The following ANKRD34C variants were observed in gnomAD, a reference collection of about 807,000 sequenced individuals.
ANKRD34C encodes the protein ankyrin repeat domain-containing protein 34C.
For synonymous variants in ANKRD34C, 260 were observed against 253.6 expected (o/e 1.03, Z -0.24); for missense variants, 563 against 653.0 (o/e 0.86, Z 1.50).
intron 1 of ANKRD34C, among the ~76,000 whole-genome samples, chr15:79,291,004 A>G (rs1186734877): frequency 6.6e-6 from 1 of 152,078 alleles, no homozygotes; most frequent in Non-Finnish European, 1.5e-5. Flanking sequence ...GTATCTTTTT[A>G]TGTGCTTATT....
At position 79,293,957 on chromosome 15, in the gene ANKRD34C, G is replaced by A; in HGVS notation, c.673G>A (p.Ala225Thr). The A allele has an allele frequency of 6.4e-7, 1 of 1,551,658 alleles. No individual in the cohort carries two copies. The highest frequency in any genetic ancestry group is 8.7e-7 in the Non-Finnish European group (1 of 1,146,988). The change falls in exon 2 of 2, where the codon GCT (alanine) becomes ACT (threonine). Residue 225 changes from alanine (A) to threonine (T), a missense_variant. Ala to Thr is a moderately conservative substitution (Grantham distance 58, BLOSUM62 0). Transcript: ENST00000421388. ...TCCAAGCAGTTGTAACACCTCCAAG[G>A]CTGTTAATGAGCCTGGGTCACCCAC... is the stretch of plus-strand genomic sequence containing the variant. Reference protein sequence around the residue: ...GHPSSCNTSKAVNEPGSPTRK... With the variant: ...GHPSSCNTSKTVNEPGSPTRK...
At chr15:79,284,832 G>T (rs1203976741) in intron 1 of ANKRD34C, among the ~76,000 whole-genome samples, 3 of 152,170 alleles carry the variant, frequency 2.0e-5, no homozygotes, top group Admixed American at 6.5e-5. Flanking sequence ...GCTGGGATTA[G>T]AATCCAGATC....
Position 79,298,125 on chromosome 15 carries a change from A to G in ANKRD34C, c.*3233A>G, listed in dbSNP as rs1442274313. ...TGTGCTGCTTGAACTGATTCTCTAC[A>G]GTGTTCCTTCCTAGTCTCAAGCTGA... On this transcript the variant is annotated 3_prime_UTR_variant, in exon 2 of 2. Transcript: ENST00000421388. 1.2e-5 allele frequency: 2 copies of G among 167,014 alleles called. No individual in the cohort carries two copies. Among genetic ancestry groups the G allele is most frequent in the Non-Finnish European group, 2.9e-5 (2 of 68,106 alleles). 10.3% of individuals were successfully genotyped at this position (167,014 alleles called of 1,614,324 possible).
chr15:79,293,664 T>A lies in ANKRD34C; in HGVS notation c.380T>A (p.Ile127Lys). The change falls in exon 2 of 2, where the codon ATA becomes AAA. Residue 127 changes from isoleucine (I) to lysine (K), a missense_variant. Coordinates refer to ENST00000421388, the MANE Select transcript of ANKRD34C (RefSeq NM_001146341.2). Reference sequence around the variant, plus strand: ...GGGGCTTCAGCTCTGGTTTATGCAATAAATGCAGATGACAAGGATGCATTG... The same window carrying A: ...GGGGCTTCAGCTCTGGTTTATGCAAAAAATGCAGATGACAAGGATGCATTG... Reference protein sequence around the residue: ...RTGASALVYAINADDKDALKH... With the variant: ...RTGASALVYAKNADDKDALKH... The A allele has an allele frequency of 6.4e-7, 1 of 1,551,624 alleles. No individual in the cohort carries two copies. The highest frequency in any genetic ancestry group is 2.4e-5 in the East Asian group (1 of 40,916).
At chr15:79,284,065 C>G (rs1298225939) in intron 1 of ANKRD34C, 1 of 152,236 alleles carries the variant, frequency 6.6e-6, no homozygotes, top group African/African-American at 2.4e-5. Flanking sequence ...ACCCAAACTT[C>G]TTTAAAAATC....
chr15:79,287,856 C>A (rs989882672), intron 1 of ANKRD34C, among the ~76,000 whole-genome samples: 1 of 152,198 alleles, frequency 6.6e-6, no homozygotes, highest in Non-Finnish European at 1.5e-5. Flanking sequence ...AATCCATGAA[C>A]GCAGCTCTTA....
intron 1 of ANKRD34C, among the ~76,000 whole-genome samples, chr15:79,286,857 A>G (rs2141200369): frequency 6.6e-6 from 1 of 151,856 alleles, no homozygotes; most frequent in Middle Eastern, 3.4e-3. Context: ...ATCTCTGTAG[A>G]CCTCCCCTTA....
rs142430388 is a variant in ANKRD34C, at chr15:79,285,867, G to A, written c.-45+2639G>A. On this transcript the variant is annotated intron_variant, in intron 1 of 1. Coordinates refer to ENST00000421388, the MANE Select transcript of ANKRD34C (RefSeq NM_001146341.2). ...AGGCCAAGGATCTGAGAAGGCATGG[G>A]AGTGAAAGACCCTGGATTCAGAGAG... Among the ~76,000 whole-genome samples the A allele has an allele frequency of 9.4e-3, 1,428 of 152,294 alleles. 31 individuals are homozygous for A. Among genetic ancestry groups the A allele is most frequent in the African/African-American group, 0.032 (1,322 of 41,554 alleles).
rs1416532441 is a variant in ANKRD34C, at chr15:79,294,152, T to C, written c.868T>C (p.Phe290Leu). 1 of 1,551,480 alleles carries C rather than the reference T, an allele frequency of 6.4e-7. No individual in the cohort carries two copies. Among genetic ancestry groups the C allele is most frequent in the Admixed American group, 2.0e-5 (1 of 51,010 alleles). ...CATCAAGAGCATCAGTGATATATCC[T>C]TCCCTAAAAGGGGGCCCCTCTCCAG... The part of the protein sequence containing the change: ...EVIKSISDIS[F>L]PKRGPLSRTN... Residue 290 changes from phenylalanine to leucine, a missense_variant, in exon 2 of 2, where the codon TTC becomes CTC. Physicochemically the swap from Phe to Leu is conservative, Grantham distance 22. Transcript: ENST00000421388.
rs1235078474 is a variant in ANKRD34C, at chr15:79,297,207, A to G, written c.*2315A>G. ...AAGAAACAACTTTCCAATGCATTCA[A>G]GAGAGAATCATACGGACAACCATCA... On this transcript the variant is annotated 3_prime_UTR_variant, in exon 2 of 2. Transcript: ENST00000421388. 6.0e-6 allele frequency: 1 copy of G among 167,022 alleles called. No individual in the cohort carries two copies. 10.3% of individuals were successfully genotyped at this position (167,022 alleles called of 1,614,324 possible).
chr15:79,291,593 CACACACACAGAGAGAGAG>C (rs1339621356), intron 1 of ANKRD34C, among the ~76,000 whole-genome samples: 60 of 119,124 alleles, frequency 5.0e-4, no homozygotes, highest in Admixed American at 1.1e-3. Flanking sequence ...CACACACACA[CACACACACAGAGAGAGAG>C]AGAGAGAGAG....
Position 79,296,820 on chromosome 15 carries a change from G to A in ANKRD34C, c.*1928G>A, listed in dbSNP as rs2058673441. On this transcript the variant is annotated 3_prime_UTR_variant, in exon 2 of 2. Transcript: ENST00000421388. ...CTAGACGTGGCCAGATGTCTCCTGG[G>A]TGCATCACCTTCGTTGATCTCTACT... is the stretch of plus-strand genomic sequence containing the variant. 1 of 167,060 alleles carries A rather than the reference G, an allele frequency of 6.0e-6. No homozygotes were observed. The highest frequency in any genetic ancestry group is 1.5e-5 in the Non-Finnish European group (1 of 68,134). 10.3% of individuals were successfully genotyped at this position (167,060 alleles called of 1,614,324 possible). A position where few individuals can be genotyped will look rare whatever the true frequency, so the allele number is the denominator to read the frequency against.
chr15:79,295,047 T>C lies in ANKRD34C; in HGVS notation c.*155T>C. ...CTTCTGAGAATAATCCCTGGGTTTTTATAGGCCTACTTGAAAAGAGCTCAG... is the reference window on the plus strand; with the variant it reads ...CTTCTGAGAATAATCCCTGGGTTTTCATAGGCCTACTTGAAAAGAGCTCAG... On this transcript the variant is annotated 3_prime_UTR_variant, in exon 2 of 2. Coordinates refer to ENST00000421388, the MANE Select transcript of ANKRD34C (RefSeq NM_001146341.2). The C allele has an allele frequency of 1.2e-6, 1 of 851,382 alleles. No individual in the cohort carries two copies. Among genetic ancestry groups the C allele is most frequent in the South Asian group, 2.2e-5 (1 of 46,028 alleles). 52.7% of individuals were successfully genotyped at this position (851,382 alleles called of 1,614,324 possible).
chr15:79,283,266 G>A (rs1596037422), intron 1 of ANKRD34C, among the ~76,000 whole-genome samples, 38 bp downstream of exon 1: 1 of 152,252 alleles, frequency 6.6e-6, no homozygotes, highest in Admixed American at 6.5e-5. Flanking sequence ...GGTCACCCGG[G>A]TGGGGACCTC....
chr15:79,296,722 A>G lies in ANKRD34C; in HGVS notation c.*1830A>G, dbSNP rs2058673196. On this transcript the variant is annotated 3_prime_UTR_variant, in exon 2 of 2. Transcript: ENST00000421388. Reference sequence around the variant, plus strand: ...CTGTCCTGTGTGTTGTAGGATGTTTAGCAGCATCTCTGGCCTCCACTCACT... The same window carrying G: ...CTGTCCTGTGTGTTGTAGGATGTTTGGCAGCATCTCTGGCCTCCACTCACT... 6.0e-6 allele frequency: 1 copy of G among 167,118 alleles called. No individual in the cohort carries two copies. 10.4% of individuals were successfully genotyped at this position (167,118 alleles called of 1,614,324 possible). A position where few individuals can be genotyped will look rare whatever the true frequency, so the allele number is the denominator to read the frequency against.
At chr15:79,289,485 C>T (rs184499018) in intron 1 of ANKRD34C, among the ~76,000 whole-genome samples, 8 of 152,218 alleles carry the variant, frequency 5.3e-5, no homozygotes, top group Admixed American at 2.6e-4. Flanking sequence ...AGGAGGAGGC[C>T]GCTGATTCCA....
At chr15:79,291,203 GC>G (rs1228481558) in intron 1 of ANKRD34C, among the ~76,000 whole-genome samples, 1 of 152,164 alleles carries the variant, frequency 6.6e-6, no homozygotes, top group Non-Finnish European at 1.5e-5. Flanking sequence ...GAGCAAGGAC[GC>G]CTTATAGTTA....
At position 79,294,833 on chromosome 15, in the gene ANKRD34C, C is replaced by T; in HGVS notation, c.1549C>T (p.His517Tyr). Residue 517 changes from histidine to tyrosine, a missense_variant, in exon 2 of 2, where the codon CAT becomes TAT. Transcript: ENST00000421388. ...LRSKKKLLRR[H>Y]SMQIEQMKQL... Reference sequence around the variant, plus strand: ...AAGTAAAAAGAAGCTCCTCAGAAGGCATTCTATGCAAATTGAACAAATGAA... The same window carrying T: ...AAGTAAAAAGAAGCTCCTCAGAAGGTATTCTATGCAAATTGAACAAATGAA... The T allele has an allele frequency of 6.5e-7, 1 of 1,549,624 alleles. No individual in the cohort carries two copies. Among genetic ancestry groups the T allele is most frequent in the Non-Finnish European group, 8.7e-7 (1 of 1,146,506 alleles).
chr15:79,292,137 T>C (rs1467596989), intron 1 of ANKRD34C, among the ~76,000 whole-genome samples: 1 of 152,208 alleles, frequency 6.6e-6, no homozygotes, highest in Non-Finnish European at 1.5e-5. Flanking sequence ...TCAGGCATTG[T>C]GGCAGGTAGG....
Sources: allele counts gnomAD v4.1 joint callset (sites outside exome capture counted in the v4.1 genomes callset), GRCh38; gene constraint gnomAD v4.1.1; transcripts MANE v1.5; gene names NCBI Gene and HGNC (gene_info 2026-07-23, HGNC 2026-07-21).